Variants in SLC9C2 observed in about 807,000 individuals in gnomAD.
SLC9C2 encodes the protein sodium/hydrogen exchanger 11.
Under a neutral mutation model 140.2 loss-of-function variants are expected in SLC9C2, and 75 were observed. That is an observed-to-expected ratio of 0.53 (90% CI 0.44 to 0.65). SLC9C2 has a LOEUF of 0.65. Ranked by LOEUF, SLC9C2 falls within the 30% of genes least tolerant of loss-of-function variation. SLC9C2 has a pLI of 0.00. For missense variants in SLC9C2, 1,074 were observed against 1,331.8 expected (o/e 0.81, Z 3.01); for synonymous variants, 375 against 420.9 (o/e 0.89, Z 1.34).
At chr1:173,564,311 T>G (rs1286952578) in intron 9 of SLC9C2, among the ~76,000 whole-genome samples, 1 of 152,236 alleles carries the variant, frequency 6.6e-6, no homozygotes, top group Non-Finnish European at 1.5e-5. Flanking sequence ...TAATCTACAT[T>G]CCCACCAACA....
intron 4 of SLC9C2, 69 bp from the exon 5 acceptor site, chr1:173,587,899 T>C (rs781414151): frequency 1.2e-5 from 14 of 1,197,706 alleles, no homozygotes; most frequent in Non-Finnish European, 1.6e-5. Context: ...TTTACTTATA[T>C]CCTAAGAGTC....
chr1:173,519,387 G>A (rs1311717974), intron 22 of SLC9C2, among the ~76,000 whole-genome samples: 1 of 152,122 alleles, frequency 6.6e-6, no homozygotes, highest in East Asian at 1.9e-4. Context: ...GCTTCCAGAA[G>A]GTAACATAGC....
intron 13 of SLC9C2, among the ~76,000 whole-genome samples, chr1:173,543,387 C>T (rs1662588081): frequency 6.6e-6 from 1 of 152,198 alleles, no homozygotes; most frequent in African/African-American, 2.4e-5. Flanking sequence ...ATTTCATGCT[C>T]ATAGATAGGA....
chr1:173,517,574 T>C lies in SLC9C2; in HGVS notation c.2870A>G (p.Glu957Gly), dbSNP rs760080744. ...TTCACAGATGACGGTATATTCAATTTCACGCTTAAGCAGACAGCTTAGCTC... is the reference window on the plus strand; with the variant it reads ...TTCACAGATGACGGTATATTCAATTCCACGCTTAAGCAGACAGCTTAGCTC... Reference protein sequence around the residue: ...IGELSCLLKREIEYTVICETS... With the variant: ...IGELSCLLKRGIEYTVICETS... Residue 957 changes from glutamate to glycine, a missense_variant, in exon 23 of 28, where the codon GAA (glutamate) becomes GGA (glycine). Physicochemically the swap from Glu to Gly is moderately conservative, Grantham distance 98 (BLOSUM62 -2). Transcript: ENST00000367714. 1 of 1,612,722 alleles carries C rather than the reference T, an allele frequency of 6.2e-7. No individual in the cohort carries two copies. The highest frequency in any genetic ancestry group is 1.1e-5 in the South Asian group (1 of 90,676).
In SLC9C2 at chr1:173,557,528, A is replaced by C; in HGVS notation, c.1047-20T>G. ...AGCAACCTGTGGAGAGGGAAACATT[A>C]AAAATAAATCTCACCTTGTTTATTA... On this transcript the variant is annotated intron_variant, in intron 9 of 27. Coordinates refer to ENST00000367714, the MANE Select transcript of SLC9C2 (RefSeq NM_178527.4). 2 of 1,594,578 alleles carry C rather than the reference A, an allele frequency of 1.3e-6. No homozygotes were observed. The highest frequency in any genetic ancestry group is 2.3e-5 in the South Asian group (2 of 87,134).
At chr1:173,540,566 G>T (rs1221021600) in intron 13 of SLC9C2, among the ~76,000 whole-genome samples, 1 of 152,182 alleles carries the variant, frequency 6.6e-6, no homozygotes. Flanking sequence ...TGTAGCAGGA[G>T]GCTGGAGGGA....
chr1:173,596,349 A>C (rs1213902153), intron 4 of SLC9C2: 2 of 152,170 alleles, frequency 1.3e-5, no homozygotes, highest in African/African-American at 4.8e-5. Context: ...AGAAACTCCC[A>C]AACTGTTTCC....
At chr1:173,601,513 G>A (rs1202487098) in intron 2 of SLC9C2, 137 bp downstream of exon 2, 5 of 916,466 alleles carry the variant, frequency 5.5e-6, no homozygotes, top group Admixed American at 5.4e-5. Flanking sequence ...TAAATGAAGC[G>A]AGATTGACAG....
At chr1:173,513,826 G>C (rs1459772104) in intron 23 of SLC9C2, among the ~76,000 whole-genome samples, 1 of 152,240 alleles carries the variant, frequency 6.6e-6, no homozygotes, top group Non-Finnish European at 1.5e-5. Context: ...TGCTTTAGCT[G>C]TGTCCCAGAG....
intron 9 of SLC9C2, among the ~76,000 whole-genome samples, chr1:173,562,155 C>T (rs998772724): frequency 4.6e-5 from 7 of 152,140 alleles, no homozygotes; most frequent in Non-Finnish European, 1.0e-4. Flanking sequence ...CCCCTGTGCC[C>T]AATGACTATT....
intron 4 of SLC9C2, among the ~76,000 whole-genome samples, chr1:173,591,574 T>A (rs779440088): frequency 1.3e-5 from 2 of 152,198 alleles, no homozygotes; most frequent in Non-Finnish European, 2.9e-5. Context: ...CCATTCTGAC[T>A]GGTGTGAGAT....
intron 24 of SLC9C2, among the ~76,000 whole-genome samples, chr1:173,509,350 C>A (rs994174494): frequency 4.6e-5 from 7 of 151,382 alleles, no homozygotes; most frequent in African/African-American, 1.7e-4. Context: ...GAGGCTGAGG[C>A]AGGAGAATTG....
intron 9 of SLC9C2, among the ~76,000 whole-genome samples, chr1:173,567,916 A>G (rs1334436102): frequency 6.6e-6 from 1 of 152,148 alleles, no homozygotes; most frequent in Admixed American, 6.5e-5. Context: ...CTAATTGCAT[A>G]AACGAAGAAA....
At chr1:173,547,875 C>A in intron 12 of SLC9C2, 91 bp from the exon 13 acceptor site, 1 of 855,750 alleles carries the variant, frequency 1.2e-6, no homozygotes, top group Non-Finnish European at 1.8e-6. Context: ...CTACTCTCAA[C>A]AAAGATTCCA....
rs185400452 is a variant in SLC9C2 at position 173,577,251 on chromosome 1, A to G, written c.803-491T>C. ...AGGGCTAATGGAAAATAAGTTCAAC[A>G]GCCCTCAAGGTGTCCTTTAAGCATC... On this transcript the variant is annotated intron_variant, in intron 7 of 27. Coordinates refer to ENST00000367714, the MANE Select transcript of SLC9C2 (RefSeq NM_178527.4). 2.6e-5 allele frequency among the ~76,000 whole-genome samples: 4 copies of G among 152,342 alleles called. No individual in the cohort carries two copies. In the East Asian group the frequency reaches 7.7e-4, roughly 29 times the overall value.
At chr1:173,593,461 A>G (rs1433122734) in intron 4 of SLC9C2, among the ~76,000 whole-genome samples, 1 of 152,210 alleles carries the variant, frequency 6.6e-6, no homozygotes, top group Non-Finnish European at 1.5e-5. Flanking sequence ...TGGAGATTTC[A>G]GTGAGACGAG....
At chr1:173,510,173 C>T (rs571216687) in intron 23 of SLC9C2, among the ~76,000 whole-genome samples, 4 of 152,260 alleles carry the variant, frequency 2.6e-5, no homozygotes, top group African/African-American at 9.6e-5. Context: ...CTCATGCCTT[C>T]TCTCCTCTTC....
chr1:173,549,690 T>C (rs1663114946), intron 11 of SLC9C2, among the ~76,000 whole-genome samples: 1 of 152,232 alleles, frequency 6.6e-6, no homozygotes, highest in Non-Finnish European at 1.5e-5. Flanking sequence ...ACCTGTTAAA[T>C]GTGTACCACA....
At chr1:173,530,082 A>C (rs1409269447) in intron 17 of SLC9C2, 28 bp from the exon 18 acceptor site, 9 of 1,566,364 alleles carry the variant, frequency 5.7e-6, no homozygotes, top group Admixed American at 2.1e-5. Context: ...AGAAAAAAAA[A>C]CCTGTACATT....
Sources: gnomAD v4.1 joint callset for allele counts (sites outside exome capture counted in the v4.1 genomes callset) on GRCh38, gnomAD v4.1.1 for gene constraint, MANE v1.5 for transcripts, NCBI Gene and HGNC (gene_info 2026-07-23, HGNC 2026-07-21) for gene names.